The following PTPN9 variants were observed in gnomAD, a reference collection of about 807,000 sequenced individuals.
PTPN9 encodes the protein protein tyrosine phosphatase non-receptor type 9, also known as tyrosine-protein phosphatase non-receptor type 9.
PTPN9 carries 26 observed loss-of-function variants against 69.8 expected under a neutral mutation model. The observed-to-expected ratio is 0.37, with a 90% confidence interval of 0.27 to 0.52. The LOEUF is 0.52. Among genes scored for constraint, PTPN9 ranks in the 20% least tolerant of loss-of-function variants. The probability of loss-of-function intolerance (pLI) is 0.91; values close to 1 mark genes in which losing one functional copy is unlikely to be tolerated. For missense variants in PTPN9, 549 were observed against 740.3 expected, an observed-to-expected ratio of 0.74 and a Z score of 3.00; for synonymous variants, 274 against 272.5, an observed-to-expected ratio of 1.01 and a Z score of -0.05.
At chr15:75,531,006 C>T (rs1012674939) in intron 1 of PTPN9, among the ~76,000 whole-genome samples, 32 of 142,686 alleles carry the variant, frequency 2.2e-4, no homozygotes, top group Admixed American at 3.9e-4. Flanking sequence ...TGACCTACTT[C>T]GGAGTCTTGG....
chr15:75,559,764 T>C (rs1295766778), intron 1 of PTPN9, among the ~76,000 whole-genome samples: 1 of 37,258 alleles, frequency 2.7e-5, no homozygotes, highest in Non-Finnish European at 4.8e-5. Context: ...CCAAGAATGG[T>C]CAACAAAAAA....
chr15:75,568,764 G>GAGTT (rs1475005655), intron 1 of PTPN9, among the ~76,000 whole-genome samples: 3 of 151,858 alleles, frequency 2.0e-5, no homozygotes, highest in African/African-American at 7.3e-5. Flanking sequence ...TTGGGACCAG[G>GAGTT]AGTTTCAGGC....
At chr15:75,480,629 G>C (rs534284173) in intron 8 of PTPN9, 6 of 1,186,470 alleles carry the variant, frequency 5.1e-6, no homozygotes, top group Non-Finnish European at 6.4e-6. Flanking sequence ...GGACAGTCGC[G>C]GCGCTGACGC....
intron 1 of PTPN9, among the ~76,000 whole-genome samples, chr15:75,559,141 GC>G (rs1192088115): frequency 6.7e-6 from 1 of 150,326 alleles, no homozygotes; most frequent in Non-Finnish European, 1.5e-5. Context: ...CTGCCCCGCC[GC>G]CCCGTCTGGG....
intron 1 of PTPN9, among the ~76,000 whole-genome samples, chr15:75,532,194 C>T (rs1346615112): frequency 6.6e-6 from 1 of 151,936 alleles, no homozygotes; most frequent in African/African-American, 2.4e-5. Flanking sequence ...GTCAGGGGTT[C>T]GAGACCAGCC....
At chr15:75,574,667 G>A (rs1227031007) in intron 1 of PTPN9, among the ~76,000 whole-genome samples, 2 of 151,952 alleles carry the variant, frequency 1.3e-5, no homozygotes, top group Non-Finnish European at 1.5e-5. Context: ...GGAGCCAGGC[G>A]CGGTGGCTCA....
At chr15:75,482,021 GA>G (rs1390409929) in intron 8 of PTPN9, among the ~76,000 whole-genome samples, 1 of 147,710 alleles carries the variant, frequency 6.8e-6, no homozygotes, top group Non-Finnish European at 1.5e-5. Context: ...AGAAAGGGGG[GA>G]AAGGTGGGGA....
intron 1 of PTPN9, among the ~76,000 whole-genome samples, chr15:75,541,617 A>G (rs2075009015): frequency 6.6e-6 from 1 of 151,842 alleles, no homozygotes; most frequent in South Asian, 2.1e-4. Context: ...CGTGTTAGCC[A>G]GGATGGTCTT....
chr15:75,505,184 G>C (rs1186228363), intron 7 of PTPN9, among the ~76,000 whole-genome samples: 1 of 151,036 alleles, frequency 6.6e-6, no homozygotes, highest in Non-Finnish European at 1.5e-5. Context: ...TCTGAAACAT[G>C]TGCTGTGTCC....
At chr15:75,495,015 C>A (rs964319664) in intron 7 of PTPN9, among the ~76,000 whole-genome samples, 2 of 151,722 alleles carry the variant, frequency 1.3e-5, no homozygotes, top group Non-Finnish European at 2.9e-5. Flanking sequence ...CAGAGTGAGA[C>A]CCCATCTTAA....
intron 4 of PTPN9, among the ~76,000 whole-genome samples, chr15:75,520,589 C>A (rs1301866991): frequency 6.6e-6 from 1 of 151,704 alleles, no homozygotes; most frequent in Non-Finnish European, 1.5e-5. Context: ...GCGATCTCTG[C>A]TCACTGCAAC....
chr15:75,506,590 G>T (rs1194862433), intron 6 of PTPN9, among the ~76,000 whole-genome samples: 2 of 152,054 alleles, frequency 1.3e-5, no homozygotes, highest in Non-Finnish European at 2.9e-5. Context: ...GCTCACTGCA[G>T]CCTCAACCTC....
At chr15:75,504,838 G>C (rs1021894581) in intron 7 of PTPN9, among the ~76,000 whole-genome samples, 1 of 127,824 alleles carries the variant, frequency 7.8e-6, no homozygotes, top group Non-Finnish European at 1.6e-5. Context: ...GCCCCGTCCG[G>C]GAGGGAGGTG....
At chr15:75,481,245 G>A (rs1444204490) in intron 8 of PTPN9, among the ~76,000 whole-genome samples, 5 of 90,134 alleles carry the variant, frequency 5.5e-5, no homozygotes, top group African/African-American at 1.3e-4. Flanking sequence ...CAACCACCCC[G>A]TCTGAGAAGT....
intron 7 of PTPN9, among the ~76,000 whole-genome samples, chr15:75,504,059 A>C (rs1469939971): frequency 0.02 from 661 of 33,756 alleles, no homozygotes; most frequent in Middle Eastern, 0.026. Context: ...CGGCCAGCCG[A>C]CCCGTCCGGG....
intron 1 of PTPN9, among the ~76,000 whole-genome samples, chr15:75,558,112 G>A (rs1242649762): frequency 2.0e-5 from 3 of 152,154 alleles, no homozygotes; most frequent in Non-Finnish European, 2.9e-5. Context: ...GGCGGATCAC[G>A]AGGTCGAGAA....
chr15:75,476,410 G>T (rs747585119), intron 9 of PTPN9, among the ~76,000 whole-genome samples: 1 of 152,118 alleles, frequency 6.6e-6, no homozygotes, highest in Non-Finnish European at 1.5e-5. Context: ...TGCCTGCCGC[G>T]TTCAAGCGAT....
At chr15:75,511,877 T>C (rs2074846952) in intron 5 of PTPN9, among the ~76,000 whole-genome samples, 2 of 152,122 alleles carry the variant, frequency 1.3e-5, no homozygotes, top group Non-Finnish European at 2.9e-5. Flanking sequence ...AATATTTTTT[T>C]TTTTTTTAGT....
chr15:75,525,759 A>G (rs533654874), intron 2 of PTPN9, among the ~76,000 whole-genome samples: 5 of 151,386 alleles, frequency 3.3e-5, no homozygotes, highest in African/African-American at 1.2e-4. Flanking sequence ...CTCTACTAAA[A>G]ATACAAAAAA....
Sources: allele counts gnomAD v4.1 joint callset (sites outside exome capture counted in the v4.1 genomes callset), GRCh38; gene constraint gnomAD v4.1.1; transcripts MANE v1.5; gene names NCBI Gene and HGNC (gene_info 2026-07-23, HGNC 2026-07-21).